PHF11: variants seen among roughly 807,000 people sequenced by gnomAD.
The protein encoded by PHF11 is PHD finger protein 11.
In PHF11, 38 loss-of-function variants were observed where a neutral mutation model predicts 40.5. The observed-to-expected ratio is 0.94, with a 90% CI of 0.72 to 1.23. The LOEUF (loss-of-function observed/expected upper bound fraction) is 1.23. Among genes scored for constraint, PHF11 ranks in the 50% most tolerant of loss-of-function variants. The probability of loss-of-function intolerance (pLI) is 0.00; values close to 1 mark genes in which losing one functional copy is unlikely to be tolerated. For missense variants in PHF11, 369 were observed against 392.4 expected, an observed-to-expected ratio of 0.94 and a Z score of 0.50; for synonymous variants, 127 against 138.2, an observed-to-expected ratio of 0.92 and a Z score of 0.57.
chr13:49,496,281 A>T, intron 1 of PHF11, 186 bp downstream of exon 1: 1 of 669,522 alleles, frequency 1.5e-6, no homozygotes, highest in Non-Finnish European at 2.1e-6. Flanking sequence ...TTGGTGGGGG[A>T]GGGGGCCAGA....
intron 5 of PHF11, 24 bp from the exon 6 acceptor site, chr13:49,522,018 AT>A: frequency 8.5e-7 from 1 of 1,181,674 alleles, no homozygotes; most frequent in Non-Finnish European, 1.3e-6. Flanking sequence ...ATGGATTCCA[AT>A]TTTTAAATGG....
intron 2 of PHF11, among the ~76,000 whole-genome samples, 163 bp from the exon 3 acceptor site, chr13:49,512,896 G>A (rs1959097194): frequency 6.6e-6 from 1 of 152,146 alleles, no homozygotes; most frequent in African/African-American, 2.4e-5. Flanking sequence ...CCAGAGAAAT[G>A]GGATGGCTTA....
chr13:49,510,911 A>ACC (rs1431839715), intron 2 of PHF11, among the ~76,000 whole-genome samples: 1 of 152,184 alleles, frequency 6.6e-6, no homozygotes, highest in East Asian at 1.9e-4. Flanking sequence ...ACATGTTGAG[A>ACC]CCCATGCAAC....
intron 2 of PHF11, among the ~76,000 whole-genome samples, chr13:49,507,261 C>T (rs2139042698): frequency 6.6e-6 from 1 of 152,244 alleles, no homozygotes; most frequent in South Asian, 2.1e-4. Flanking sequence ...ATAACAGACA[C>T]TGATAGACCT....
rs573287111 is a variant in PHF11 at position 49,524,631 on chromosome 13, C to T, written c.769+415C>T. ...CTGGGATTTCAGGCACACGCCACTACGCCTGGCTAATTTTCTGTATTTTTA... is the reference window on the plus strand; with the variant it reads ...CTGGGATTTCAGGCACACGCCACTATGCCTGGCTAATTTTCTGTATTTTTA... On this transcript the variant is annotated intron_variant, in intron 8 of 9. Coordinates refer to ENST00000378319, the MANE Select transcript of PHF11 (RefSeq NM_001040443.3). Among the ~76,000 whole-genome samples, 18 of 152,210 alleles carry T rather than the reference C, an allele frequency of 1.2e-4. No individual in the cohort carries two copies. The South Asian group carries it at 1.9e-3, about 16-fold the overall frequency.
intron 6 of PHF11, among the ~76,000 whole-genome samples, chr13:49,522,767 G>T (rs7324936): frequency 0.37 from 15,341 of 41,522 alleles, 2,021 homozygotes; most frequent in East Asian, 0.53. Context: ...GGGTTTTTTT[G>T]TTTTTTTTTT....
chr13:49,523,160 G>A lies in PHF11; in HGVS notation c.571-15G>A. The A allele has an allele frequency of 6.4e-7, 1 of 1,568,376 alleles. No homozygotes were observed. Among genetic ancestry groups the A allele is most frequent in the Non-Finnish European group, 8.8e-7 (1 of 1,138,438 alleles). On this transcript the variant is annotated splice_polypyrimidine_tract_variant and intron_variant, in intron 6 of 9. Coordinates refer to ENST00000378319, the MANE Select transcript of PHF11 (RefSeq NM_001040443.3). ...ATTAAAATCAATGTAATGCAATCTT[G>A]ATTTTCTCTCCTAGCCACCCGAAAC...
chr13:49,510,734 G>C (rs1959071572), intron 2 of PHF11, among the ~76,000 whole-genome samples: 1 of 152,218 alleles, frequency 6.6e-6, no homozygotes, highest in Admixed American at 6.5e-5. Flanking sequence ...GCCTCCCAAA[G>C]TGTTGGGATT....
intron 1 of PHF11, among the ~76,000 whole-genome samples, chr13:49,499,687 A>T (rs1239125694): frequency 2.6e-5 from 4 of 152,256 alleles, no homozygotes; most frequent in Non-Finnish European, 5.9e-5. Context: ...TCACTGGACC[A>T]GTGATAAAAT....
intron 4 of PHF11, among the ~76,000 whole-genome samples, chr13:49,519,734 G>T (rs1158753976): frequency 6.6e-6 from 1 of 152,052 alleles, no homozygotes; most frequent in East Asian, 1.9e-4. Context: ...GGACATGGGG[G>T]TTCATCCTGA....
At chr13:49,520,251 G>A (rs1959181331) in intron 4 of PHF11, among the ~76,000 whole-genome samples, 1 of 152,150 alleles carries the variant, frequency 6.6e-6, no homozygotes, top group Admixed American at 6.5e-5. Context: ...GTTTCACCAT[G>A]TTGGCCAGGA....
chr13:49,500,252 G>A (rs144606362), intron 1 of PHF11, among the ~76,000 whole-genome samples: 39 of 152,288 alleles, frequency 2.6e-4, no homozygotes, highest in African/African-American at 8.9e-4. Flanking sequence ...AAGGAGCCTG[G>A]AAAGCCCTGC....
At chr13:49,509,859 G>A (rs1437750836) in intron 2 of PHF11, among the ~76,000 whole-genome samples, 2 of 152,116 alleles carry the variant, frequency 1.3e-5, no homozygotes, top group Admixed American at 6.5e-5. Flanking sequence ...ACCCAGTCTT[G>A]CGTATGTCTT....
In PHF11 at chr13:49,501,017, G is replaced by GTTTTTTTTTTTTTTTTTTTTTTTTTT. The variant is rs1491587127; in HGVS notation, c.94+4933_94+4934insTTTTTTTTTTTTTTTTTTTTTTTTTT. On this transcript the variant is annotated intron_variant, in intron 1 of 9. Transcript: ENST00000378319. ...CAACTTTTGTTTTTTTTTTTTTTTGGTTTTTTTTTTTCTGAAATGGAGTTT... is the reference window on the plus strand; with the variant it reads ...CAACTTTTGTTTTTTTTTTTTTTTGGTTTTTTTTTTTTTTTTTTTTTTTTTTTTTTTTTTTTTCTGAAATGGAGTTT... Among the ~76,000 whole-genome samples the GTTTTTTTTTTTTTTTTTTTTTTTTTT allele has an allele frequency of 1.0e-4, 11 of 108,826 alleles. 2 individuals carry two copies. The highest frequency in any genetic ancestry group is 8.3e-5 in the African/African-American group (2 of 23,968). The allele number at this position is 108,826 out of a possible 152,430, so 71.4% of individuals were successfully genotyped here. A position where few individuals can be genotyped will look rare whatever the true frequency, so the allele number is the denominator to read the frequency against.
rs569555703 is a variant in PHF11, at chr13:49,497,008, T to C, written c.94+913T>C. On this transcript the variant is annotated intron_variant, in intron 1 of 9. Coordinates refer to ENST00000378319, the MANE Select transcript of PHF11 (RefSeq NM_001040443.3). Reference sequence around the variant, plus strand: ...GCCACCACGCCCAGCTAATTTTGTATTTTTAGTAGAGAGGGTTTCTCCATG... The same window carrying C: ...GCCACCACGCCCAGCTAATTTTGTACTTTTAGTAGAGAGGGTTTCTCCATG... 2.2e-3 allele frequency: 2,629 copies of C among 1,190,658 alleles called. 7 individuals are homozygous for C. Among genetic ancestry groups the C allele is most frequent in the Non-Finnish European group, 2.6e-3 (2,421 of 935,976 alleles). 73.8% of individuals were successfully genotyped at this position (1,190,658 alleles called of 1,614,324 possible).
intron 8 of PHF11, chr13:49,525,923 C>G: frequency 2.6e-6 from 1 of 385,258 alleles, no homozygotes; most frequent in Admixed American, 3.3e-5. Flanking sequence ...AATCCCAGCA[C>G]TTTGGGAGCC....
intron 1 of PHF11, among the ~76,000 whole-genome samples, chr13:49,501,474 GT>G (rs1186531514): frequency 6.6e-6 from 1 of 152,166 alleles, no homozygotes; most frequent in African/African-American, 2.4e-5. Context: ...GGGACTTTGT[GT>G]TGTCAAATAT....
chr13:49,519,043 G>A (rs1234378181), intron 4 of PHF11, among the ~76,000 whole-genome samples: 1 of 151,952 alleles, frequency 6.6e-6, no homozygotes, highest in Non-Finnish European at 1.5e-5. Flanking sequence ...CACCGTGTTA[G>A]CCAGGATGGT....
intron 2 of PHF11, among the ~76,000 whole-genome samples, chr13:49,507,187 G>T (rs147572333): frequency 6.6e-6 from 1 of 151,970 alleles, no homozygotes; most frequent in East Asian, 1.9e-4. Flanking sequence ...TTACAGGTGT[G>T]AGCCACCACG....
Sources: allele counts gnomAD v4.1 joint callset (sites outside exome capture counted in the v4.1 genomes callset), GRCh38; gene constraint gnomAD v4.1.1; transcripts MANE v1.5; gene names NCBI Gene and HGNC (gene_info 2026-07-23, HGNC 2026-07-21).